Variants in BBS9 observed in about 807,000 individuals in gnomAD.
BBS9 encodes protein PTHB1.
A neutral mutation model predicts 117.7 loss-of-function variants in BBS9; 89 were observed. The observed-to-expected ratio is 0.76, with a 90% CI of 0.64 to 0.90. The LOEUF (loss-of-function observed/expected upper bound fraction) is 0.90, where lower values mean the gene tolerates loss of function less well. Ranked by LOEUF, BBS9 falls within the 40% of genes least tolerant of loss-of-function variation. The pLI is 0.00. For missense variants in BBS9, 982 were observed against 1,042.2 expected (o/e 0.94, Z 0.80); for synonymous variants, 379 against 370.9 (o/e 1.02, Z -0.25).
chr7:33,367,739 TA>T (rs775391597), intron 16 of BBS9, 27 bp from the exon 17 acceptor site: 17 of 1,600,490 alleles, frequency 1.1e-5, no homozygotes, highest in Admixed American at 1.7e-5. Flanking sequence ...TCTGGTTACA[TA>T]AGGTGATTTC....
At chr7:33,453,270 G>T (rs1410264783) in intron 19 of BBS9, among the ~76,000 whole-genome samples, 1 of 152,168 alleles carries the variant, frequency 6.6e-6, no homozygotes, top group Non-Finnish European at 1.5e-5. Flanking sequence ...AAGGGAAGAA[G>T]GTACTAAATG....
rs567750476 is a variant in BBS9 at position 33,505,608 on chromosome 7, C to T, written c.2261C>T (p.Ala754Val). Residue 754 changes from alanine to valine, a missense_variant, in exon 20 of 23, where the codon GCG becomes GTG. Physicochemically the swap from Ala to Val is moderately conservative, Grantham distance 64 (BLOSUM62 0). Coordinates refer to ENST00000242067, the MANE Select transcript of BBS9 (RefSeq NM_198428.3). ...GCTGACCAGGTTGCTATTCTGGAAG[C>T]GGCATTTCTGCCGCTACAAGAAGAC... The part of the protein sequence containing the change: ...LSADQVAILE[A>V]AFLPLQEDTQ... 26 of 1,613,908 alleles carry T rather than the reference C, an allele frequency of 1.6e-5. No homozygotes were observed. The highest frequency in any genetic ancestry group is 1.2e-4 in the South Asian group (11 of 91,080).
intron 1 of BBS9, among the ~76,000 whole-genome samples, chr7:33,142,734 C>G (rs948134174): frequency 6.7e-6 from 1 of 149,176 alleles, no homozygotes; most frequent in South Asian, 2.2e-4. Context: ...CAAGGTTCAT[C>G]TACATAGCAG....
intron 2 of BBS9, among the ~76,000 whole-genome samples, chr7:33,148,954 G>A (rs1012898380): frequency 6.6e-6 from 1 of 152,152 alleles, no homozygotes; most frequent in Non-Finnish European, 1.5e-5. Context: ...AGCAGCAAGT[G>A]GTTCATTAGT....
At position 33,415,661 on chromosome 7, in the gene BBS9, G is replaced by A. The variant is rs116142668; in HGVS notation, c.2115+27517G>A. 8.3e-3 allele frequency among the ~76,000 whole-genome samples: 1,262 copies of A among 152,196 alleles called. 19 individuals are homozygous for A. The highest frequency in any genetic ancestry group is 0.029 in the African/African-American group (1,211 of 41,522). ...TTGAGGCTGCTAAGTTCAACCTCCT[G>A]CTTGTTGTATCCTTGATCTGTAGTC... On this transcript the variant is annotated intron_variant, in intron 19 of 22. Coordinates refer to ENST00000242067, the MANE Select transcript of BBS9 (RefSeq NM_198428.3).
At chr7:33,524,397 T>C (rs1353093859) in intron 20 of BBS9, among the ~76,000 whole-genome samples, 3 of 152,232 alleles carry the variant, frequency 2.0e-5, no homozygotes, top group Admixed American at 6.5e-5. Context: ...TTTTGGTTGG[T>C]AAACTATTGA....
chr7:33,245,087 C>T (rs1795127910), intron 5 of BBS9, among the ~76,000 whole-genome samples: 1 of 152,080 alleles, frequency 6.6e-6, no homozygotes, highest in South Asian at 2.1e-4. Context: ...CTTTTGAAGT[C>T]AGAGTTTTAT....
At chr7:33,497,942 C>A (rs1440533344) in intron 19 of BBS9, among the ~76,000 whole-genome samples, 1 of 152,022 alleles carries the variant, frequency 6.6e-6, no homozygotes, top group Non-Finnish European at 1.5e-5. Flanking sequence ...CAGAATTTTC[C>A]TGGTGTTACT....
intron 1 of BBS9, among the ~76,000 whole-genome samples, chr7:33,131,459 A>G (rs916546515): frequency 6.6e-6 from 1 of 152,202 alleles, no homozygotes; most frequent in Admixed American, 6.5e-5. Context: ...GAGCCCTTGT[A>G]TTATTGCCTT....
chr7:33,584,845 A>C (rs980406384), intron 21 of BBS9, among the ~76,000 whole-genome samples: 3 of 152,062 alleles, frequency 2.0e-5, no homozygotes, highest in Admixed American at 2.0e-4. Context: ...AGAAATGTTA[A>C]ATGTTCTACC....
intron 19 of BBS9, among the ~76,000 whole-genome samples, chr7:33,440,465 A>G (rs1244943280): frequency 6.6e-6 from 1 of 152,114 alleles, no homozygotes; most frequent in Non-Finnish European, 1.5e-5. Context: ...CATTCCTTTT[A>G]ACAGATAAAA....
chr7:33,510,498 T>C (rs1185717254), intron 20 of BBS9, among the ~76,000 whole-genome samples: 1 of 152,054 alleles, frequency 6.6e-6, no homozygotes, highest in African/African-American at 2.4e-5. Context: ...ATCTCTTTAC[T>C]CATTTATTCA....
intron 5 of BBS9, among the ~76,000 whole-genome samples, chr7:33,229,803 A>G (rs1037536921): frequency 3.3e-5 from 5 of 152,116 alleles, no homozygotes; most frequent in African/African-American, 1.2e-4. Context: ...TCATGTGATC[A>G]TTCTATTTTT....
intron 19 of BBS9, among the ~76,000 whole-genome samples, chr7:33,479,878 G>T (rs556552056): frequency 6.6e-6 from 1 of 152,234 alleles, no homozygotes; most frequent in South Asian, 2.1e-4. Flanking sequence ...CTTCTGAGAA[G>T]TGTCTGTTCA....
At chr7:33,277,639 G>C (rs1440000030) in intron 9 of BBS9, among the ~76,000 whole-genome samples, 2 of 152,112 alleles carry the variant, frequency 1.3e-5, no homozygotes, top group African/African-American at 4.8e-5. Flanking sequence ...GTTCTTTGGG[G>C]GAAGAGTTTG....
At chr7:33,439,486 A>C (rs1835810863) in intron 19 of BBS9, among the ~76,000 whole-genome samples, 1 of 150,730 alleles carries the variant, frequency 6.6e-6, no homozygotes, top group African/African-American at 2.4e-5. Context: ...TGTCTCCATA[A>C]GCCTGCGCCC....
In BBS9 at chr7:33,300,312, T is replaced by G. The variant is rs1806122399; in HGVS notation, c.1016+26356T>G. On this transcript the variant is annotated intron_variant, in intron 9 of 22. Transcript: ENST00000242067. The stretch of plus-strand genomic sequence containing the variant: ...AGCCAGAGGGAAAGGGATCCTTGGA[T>G]GCAGTGGTCAGCTTCTGGCATGGAG... 2.6e-5 allele frequency among the ~76,000 whole-genome samples: 4 copies of G among 152,168 alleles called. 1 individual carries two copies. Among genetic ancestry groups the G allele is most frequent in the Admixed American group, 2.6e-4 (4 of 15,274 alleles).
chr7:33,486,897 T>C (rs1414661487), intron 19 of BBS9, among the ~76,000 whole-genome samples: 1 of 152,254 alleles, frequency 6.6e-6, no homozygotes, highest in Non-Finnish European at 1.5e-5. Context: ...TGAAACATAA[T>C]TCATTGTCCT....
At chr7:33,430,460 A>T (rs1834275508) in intron 19 of BBS9, among the ~76,000 whole-genome samples, 1 of 152,186 alleles carries the variant, frequency 6.6e-6, no homozygotes, top group African/African-American at 2.4e-5. Flanking sequence ...TTGGTATGTT[A>T]TAGTATCTCA....
Sources: gnomAD v4.1 joint callset for allele counts (sites outside exome capture counted in the v4.1 genomes callset) on GRCh38, gnomAD v4.1.1 for gene constraint, MANE v1.5 for transcripts, NCBI Gene and HGNC (gene_info 2026-07-23, HGNC 2026-07-21) for gene names.